The following MGST1 variants were observed in gnomAD, a reference collection of about 807,000 sequenced individuals.
MGST1 encodes microsomal glutathione S-transferase 1.
Under a neutral mutation model 8.9 loss-of-function variants are expected in MGST1, and 5 were observed. That is an observed-to-expected ratio of 0.56 (90% CI 0.29 to 1.19). The LOEUF (loss-of-function observed/expected upper bound fraction) is 1.19. MGST1 is among the 50% of genes most tolerant of loss of function. The probability of loss-of-function intolerance (pLI) is 0.08; values close to 1 mark genes in which losing one functional copy is unlikely to be tolerated. For missense variants in MGST1, 182 were observed against 187.4 expected (o/e 0.97, Z 0.17); for synonymous variants, 54 against 67.8 (o/e 0.80, Z 1.00).
chr12:16,404,384 A>T (rs746092810), intron 1 of MGST1, among the ~76,000 whole-genome samples: 1 of 152,092 alleles, frequency 6.6e-6, no homozygotes, highest in Non-Finnish European at 1.5e-5. Flanking sequence ...TAAAAATTCA[A>T]TATGGCAATC....
chr12:16,439,265 C>G (rs1391675236), downstream of MGST1, among the ~76,000 whole-genome samples: 1 of 151,748 alleles, frequency 6.6e-6, no homozygotes, highest in African/African-American at 2.4e-5. Flanking sequence ...TAGAAAGATT[C>G]TCATTGCACT....
At chr12:16,380,036 C>T (rs1183990975), downstream of MGST1, among the ~76,000 whole-genome samples, 2 of 151,752 alleles carry the variant, frequency 1.3e-5, no homozygotes, top group East Asian at 3.9e-4. Flanking sequence ...ATTCTTTTTT[C>T]TTCTTTATTA....
At chr12:16,445,819 C>T (rs1941075643) in intron 4 of MGST1, among the ~76,000 whole-genome samples, 2 of 151,844 alleles carry the variant, frequency 1.3e-5, no homozygotes, top group Admixed American at 1.3e-4. Context: ...GCAGGATACA[C>T]CAAACCTGAA....
intron 1 of MGST1, among the ~76,000 whole-genome samples, chr12:16,408,068 A>C (rs1749337819): frequency 6.7e-6 from 1 of 149,986 alleles, no homozygotes; most frequent in Non-Finnish European, 1.5e-5. Flanking sequence ...AGACAGGAAC[A>C]TGGATAGAGC....
chr12:16,514,243 G>A, intron 4 of MGST1: 1 of 284,758 alleles, frequency 3.5e-6, no homozygotes. Flanking sequence ...TGAGGGTGTG[G>A]CAGGCTTCAC....
intron 4 of MGST1, among the ~76,000 whole-genome samples, chr12:16,541,559 T>C (rs1941793653): frequency 1.3e-5 from 2 of 152,126 alleles, no homozygotes; most frequent in South Asian, 4.1e-4. Flanking sequence ...ATTAGACAAA[T>C]TGTAACATTC....
chr12:16,349,665 C>T (rs1367642748), intron 1 of MGST1, among the ~76,000 whole-genome samples: 6 of 152,128 alleles, frequency 3.9e-5, no homozygotes, highest in Non-Finnish European at 7.4e-5. Flanking sequence ...ATTCTAAAAT[C>T]CTCAGTGCCT....
intron 1 of MGST1, among the ~76,000 whole-genome samples, chr12:16,393,576 A>G (rs1022929177): frequency 2.0e-5 from 3 of 152,240 alleles, no homozygotes; most frequent in Non-Finnish European, 4.4e-5. Context: ...ACAGCAGGTA[A>G]CAGAGTTGAT....
chr12:16,540,393 T>C (rs1167842087), intron 4 of MGST1, among the ~76,000 whole-genome samples: 1 of 152,198 alleles, frequency 6.6e-6, no homozygotes, highest in Admixed American at 6.5e-5. Flanking sequence ...TCACTTCAGC[T>C]TTCCGAGTAG....
chr12:16,518,177 C>A (rs911880034), intron 4 of MGST1, among the ~76,000 whole-genome samples: 7 of 152,192 alleles, frequency 4.6e-5, no homozygotes, highest in Non-Finnish European at 7.3e-5. Context: ...CCACTGCTAC[C>A]TCATCTTCTC....
At chr12:16,357,968 G>A (rs1226711310) in intron 3 of MGST1, among the ~76,000 whole-genome samples, 6 of 152,206 alleles carry the variant, frequency 3.9e-5, no homozygotes, top group Admixed American at 3.9e-4. Flanking sequence ...ATGGCAGGGA[G>A]GAGGTAAAAT....
intron 4 of MGST1, among the ~76,000 whole-genome samples, chr12:16,528,111 G>A (rs1286756200): frequency 6.6e-6 from 1 of 152,014 alleles, no homozygotes. Flanking sequence ...TGTAGACCTA[G>A]CCAGATGATG....
intron 1 of MGST1, among the ~76,000 whole-genome samples, chr12:16,397,688 A>C (rs916564731): frequency 5.9e-5 from 9 of 152,048 alleles, no homozygotes; most frequent in Middle Eastern, 3.4e-3. Context: ...AAAAATGCTC[A>C]ACATCACTAA....
intron 1 of MGST1, among the ~76,000 whole-genome samples, chr12:16,412,657 A>G (rs1940752314): frequency 6.6e-6 from 1 of 152,198 alleles, no homozygotes; most frequent in African/African-American, 2.4e-5. Context: ...TTCTCATGGT[A>G]GTGAATAAAT....
intron 2 of MGST1, among the ~76,000 whole-genome samples, chr12:16,354,955 G>C (rs1939644246): frequency 6.6e-6 from 1 of 151,916 alleles, no homozygotes; most frequent in Non-Finnish European, 1.5e-5. Flanking sequence ...TGCAGATGTG[G>C]GGAGGGTGGT....
chr12:16,449,338 C>A (rs959059082), intron 4 of MGST1, among the ~76,000 whole-genome samples: 1 of 151,724 alleles, frequency 6.6e-6, no homozygotes, highest in Non-Finnish European at 1.5e-5. Flanking sequence ...TCGAGTAAAC[C>A]CACTCATCAC....
At chr12:16,552,265 A>G (rs889252162) in intron 4 of MGST1, among the ~76,000 whole-genome samples, 1 of 152,038 alleles carries the variant, frequency 6.6e-6, no homozygotes, top group Non-Finnish European at 1.5e-5. Flanking sequence ...TAACCTTCAA[A>G]TAGTGGTGTC....
intron 4 of MGST1, among the ~76,000 whole-genome samples, chr12:16,572,989 AT>A (rs988203101): frequency 4.2e-4 from 64 of 151,848 alleles, no homozygotes; most frequent in African/African-American, 1.5e-3. Flanking sequence ...GAAAGTAGAG[AT>A]TTTTTTAAAG....
intron 4 of MGST1, among the ~76,000 whole-genome samples, chr12:16,501,313 G>A (rs949414523): frequency 6.6e-6 from 1 of 152,048 alleles, no homozygotes; most frequent in Non-Finnish European, 1.5e-5. Context: ...TTGAAAATGG[G>A]CTCCTTCAAA....
Sources: allele counts gnomAD v4.1 joint callset (sites outside exome capture counted in the v4.1 genomes callset), GRCh38; gene constraint gnomAD v4.1.1; transcripts MANE v1.5; gene names NCBI Gene and HGNC (gene_info 2026-07-23, HGNC 2026-07-21).